Variants in MFSD11 observed in about 807,000 individuals in gnomAD.
MFSD11 encodes major facilitator superfamily domain containing 11.
Under a neutral mutation model 53.5 loss-of-function variants are expected in MFSD11, and 36 were observed. That is an observed-to-expected ratio of 0.67 (90% CI 0.52 to 0.89). The LOEUF is 0.89. Among genes scored for constraint, MFSD11 ranks in the 40% least tolerant of loss-of-function variants. The pLI is 0.00. For synonymous variants in MFSD11, 186 were observed against 184.9 expected, an observed-to-expected ratio of 1.01 and a Z score of -0.05; for missense variants, 530 against 543.9, an observed-to-expected ratio of 0.97 and a Z score of 0.25.
chr17:76,742,115 T>C, intron 4 of MFSD11, 62 bp from the exon 5 acceptor site: 1 of 1,613,744 alleles, frequency 6.2e-7, no homozygotes, highest in Non-Finnish European at 8.5e-7. Context: ...ATTATTTATG[T>C]GTTTAGTATG....
chr17:76,737,205 C>G (rs1473094424), upstream of MFSD11: 1 of 1,504,170 alleles, frequency 6.6e-7, no homozygotes, highest in East Asian at 2.4e-5. Flanking sequence ...GCGCCGGCTT[C>G]CTCAGCTCTG....
In MFSD11 at chr17:76,738,455, T is replaced by A; in HGVS notation, c.96+7T>A. 1.2e-6 allele frequency: 2 copies of A among 1,605,310 alleles called. No homozygotes were observed. Among genetic ancestry groups the A allele is most frequent in the South Asian group, 1.1e-5 (1 of 90,876 alleles). On this transcript the variant is annotated splice_region_variant and intron_variant, in intron 1 of 12. Coordinates refer to ENST00000685175, the MANE Select transcript of MFSD11 (RefSeq NM_001242532.5). ...AACTTGTGGAAATGTGGCGGTGAGT[T>A]GGAATCTGTCCTCCCTCCTTTGAAG...
chr17:76,756,816 C>T (rs903940618), intron 8 of MFSD11, among the ~76,000 whole-genome samples: 4 of 150,486 alleles, frequency 2.7e-5, no homozygotes, highest in South Asian at 4.2e-4. Flanking sequence ...GCCGAGATTG[C>T]GCCACTGCAC....
At chr17:76,738,857 T>C in intron 1 of MFSD11, 81 bp from the exon 2 acceptor site, 1 of 1,046,034 alleles carries the variant, frequency 9.6e-7, no homozygotes, top group East Asian at 2.4e-5. Context: ...ATTCTCTTGC[T>C]GAGTACTTGG....
At chr17:76,737,353 G>C (rs956918733), upstream of MFSD11, 243 of 692,856 alleles carry the variant, frequency 3.5e-4, no homozygotes, top group Non-Finnish European at 5.0e-5. Context: ...CGGCCTCTGC[G>C]CCCGTTTATA....
At chr17:76,754,692 A>AAAG (rs2079400439) in intron 8 of MFSD11, among the ~76,000 whole-genome samples, 1 of 150,898 alleles carries the variant, frequency 6.6e-6, no homozygotes, top group African/African-American at 2.4e-5. Flanking sequence ...TCAAAAAAAA[A>AAAG]AAAAAAAGAG....
At chr17:76,783,198 T>A (rs1212963930), downstream of MFSD11, among the ~76,000 whole-genome samples, 1 of 152,046 alleles carries the variant, frequency 6.6e-6, no homozygotes, top group Non-Finnish European at 1.5e-5. Context: ...ATAGTTTAAT[T>A]TTTATGCTTG....
chr17:76,740,142 C>A (rs2144063555), intron 2 of MFSD11, among the ~76,000 whole-genome samples: 1 of 144,372 alleles, frequency 6.9e-6, no homozygotes, highest in South Asian at 2.2e-4. Context: ...CCACTGGACT[C>A]CAGCCTGGGC....
chr17:76,753,500 C>T (rs1011565639), intron 7 of MFSD11, among the ~76,000 whole-genome samples: 4 of 151,694 alleles, frequency 2.6e-5, no homozygotes, highest in East Asian at 1.9e-4. Context: ...GGTGAGACCC[C>T]GTCTCTACCA....
the MFSD11 span, among the ~76,000 whole-genome samples, chr17:76,795,184 G>A: frequency 9.9e-5 from 15 of 151,688 alleles, no homozygotes; most frequent in African/African-American, 3.4e-4. Flanking sequence ...ATTAGGTATT[G>A]TAAGTAATCT....
At chr17:76,789,568 C>G in the MFSD11 span, among the ~76,000 whole-genome samples, 5 of 150,046 alleles carry the variant, frequency 3.3e-5, no homozygotes, top group Non-Finnish European at 7.4e-5. Flanking sequence ...TATTTTCTAT[C>G]TACTGGGAGA....
chr17:76,800,523 C>T, the MFSD11 span, among the ~76,000 whole-genome samples: 5 of 152,230 alleles, frequency 3.3e-5, no homozygotes, highest in East Asian at 7.7e-4. Context: ...TAATAGCCAA[C>T]TCGCAATGGA....
chr17:76,760,570 A>T (rs369860490), intron 8 of MFSD11, among the ~76,000 whole-genome samples: 18 of 150,868 alleles, frequency 1.2e-4, no homozygotes, highest in African/African-American at 4.4e-4. Context: ...CGCTCTTGTC[A>T]CCCAGGCTGG....
the MFSD11 span, among the ~76,000 whole-genome samples, chr17:76,792,987 G>A: frequency 6.6e-6 from 1 of 151,468 alleles, no homozygotes; most frequent in Non-Finnish European, 1.5e-5. Context: ...AGGGGAGGGA[G>A]TGTATGAATA....
rs777402946 is a variant in MFSD11 at position 76,738,927 on chromosome 17, CTT to C, written c.97-10_97-9del. The C allele has an allele frequency of 6.8e-6, 11 of 1,613,336 alleles. No homozygotes were observed. In the South Asian group the frequency reaches 1.2e-4, roughly 18 times the overall value. On this transcript the variant is annotated splice_polypyrimidine_tract_variant and intron_variant, in intron 1 of 12. Transcript: ENST00000685175. Reference sequence around the variant, plus strand: ...AAACATTTTCGTTGATTAGTTTTATCTTCCACACAGCAAACTGTCATCAGGAG... The same window carrying C: ...AAACATTTTCGTTGATTAGTTTTATCCCACACAGCAAACTGTCATCAGGAG...
upstream of MFSD11, chr17:76,738,022 G>T: frequency 2.8e-6 from 1 of 355,520 alleles, no homozygotes; most frequent in South Asian, 1.1e-4. Flanking sequence ...GGAGGGCGGG[G>T]CCGCGCCGGC....
At chr17:76,740,330 A>G (rs1394113535) in intron 2 of MFSD11, among the ~76,000 whole-genome samples, 1 of 152,340 alleles carries the variant, frequency 6.6e-6, no homozygotes, top group African/African-American at 2.4e-5. Context: ...CGTACAAGAC[A>G]TATGTACTAG....
At chr17:76,744,879 G>GC (rs772088917) in intron 7 of MFSD11, among the ~76,000 whole-genome samples, 22 of 152,356 alleles carry the variant, frequency 1.4e-4, no homozygotes, top group Non-Finnish European at 2.8e-4. Context: ...TGAGTGAGTG[G>GC]CAGGGCCAGT....
intron 3 of MFSD11, among the ~76,000 whole-genome samples, 181 bp downstream of exon 3, chr17:76,741,245 A>G (rs777454150): frequency 6.6e-5 from 10 of 152,176 alleles, no homozygotes; most frequent in Non-Finnish European, 1.0e-4. Context: ...GGATGTATCT[A>G]TATCTGCTTT....
Sources: allele counts gnomAD v4.1 joint callset (sites outside exome capture counted in the v4.1 genomes callset), GRCh38; gene constraint gnomAD v4.1.1; transcripts MANE v1.5; gene names NCBI Gene and HGNC (gene_info 2026-07-23, HGNC 2026-07-21).